Variants in SLC16A6 observed in about 807,000 individuals in gnomAD.
SLC16A6 encodes solute carrier family 16 member 6.
In SLC16A6, 15 loss-of-function variants were observed where a neutral mutation model predicts 33.8. That is an observed-to-expected ratio of 0.44 (90% CI 0.30 to 0.68). The LOEUF (loss-of-function observed/expected upper bound fraction) is 0.68, where lower values mean the gene tolerates loss of function less well. Ranked by LOEUF, SLC16A6 falls within the 30% of genes least tolerant of loss-of-function variation. SLC16A6 has a pLI of 0.10. For synonymous variants in SLC16A6, 219 were observed against 248.4 expected (o/e 0.88, Z 1.11); for missense variants, 451 against 661.5 (o/e 0.68, Z 3.49).
intron 1 of SLC16A6, among the ~76,000 whole-genome samples, chr17:68,290,597 A>T (rs1294154293): frequency 6.6e-6 from 1 of 152,162 alleles, no homozygotes; most frequent in Non-Finnish European, 1.5e-5. Context: ...GGGTCGGGGG[A>T]GGCAGGGAGC....
chr17:68,277,615 A>G (rs1568411449), intron 2 of SLC16A6, among the ~76,000 whole-genome samples: 1 of 152,090 alleles, frequency 6.6e-6, no homozygotes. Context: ...TTTTCAGTAG[A>G]GATGGGGTTT....
intron 1 of SLC16A6, among the ~76,000 whole-genome samples, chr17:68,279,499 G>A (rs2075626468): frequency 6.6e-6 from 1 of 152,074 alleles, no homozygotes. Flanking sequence ...TAGTATATTA[G>A]CAATTGAATT....
At chr17:68,288,321 T>A (rs1180055926) in intron 1 of SLC16A6, among the ~76,000 whole-genome samples, 1 of 152,144 alleles carries the variant, frequency 6.6e-6, no homozygotes, top group Non-Finnish European at 1.5e-5. Flanking sequence ...TTTTTTTCCA[T>A]TCCTTCAGCA....
At chr17:68,272,536 AC>A (rs1397714467) in intron 4 of SLC16A6, 102 bp downstream of exon 4, 65 of 1,332,316 alleles carry the variant, frequency 4.9e-5, no homozygotes, top group Non-Finnish European at 6.4e-5. Context: ...CATTACACAT[AC>A]ACTGAAAGTC....
intron 1 of SLC16A6, among the ~76,000 whole-genome samples, chr17:68,281,704 CCA>C (rs1174001929): frequency 6.6e-6 from 1 of 152,052 alleles, no homozygotes; most frequent in Non-Finnish European, 1.5e-5. Context: ...CAAATCAAAA[CCA>C]CAGTGAGGTA....
chr17:68,285,975 G>A (rs1366129394), intron 1 of SLC16A6, among the ~76,000 whole-genome samples: 4 of 152,088 alleles, frequency 2.6e-5, no homozygotes, highest in African/African-American at 7.2e-5. Flanking sequence ...TGGCCAGGCC[G>A]GTCTGGAACT....
At chr17:68,275,177 T>A (rs2075473657) in intron 2 of SLC16A6, among the ~76,000 whole-genome samples, 1 of 152,226 alleles carries the variant, frequency 6.6e-6, no homozygotes, top group South Asian at 2.1e-4. Context: ...TGAATCATCA[T>A]TTGCTTAGCT....
chr17:68,276,279 C>T (rs1182034293), intron 2 of SLC16A6, among the ~76,000 whole-genome samples: 2 of 151,588 alleles, frequency 1.3e-5, no homozygotes, highest in African/African-American at 4.8e-5. Flanking sequence ...TTCTACCTTA[C>T]CCAAAGGGTA....
rs782385428 is a variant in SLC16A6, at chr17:68,269,089, A to C, written c.*7T>G. The C allele has an allele frequency of 6.5e-7, 1 of 1,533,494 alleles. No individual in the cohort carries two copies. Among genetic ancestry groups the C allele is most frequent in the Non-Finnish European group, 8.7e-7 (1 of 1,146,596 alleles). 95.0% of individuals were successfully genotyped at this position (1,533,494 alleles called of 1,614,324 possible). On this transcript the variant is annotated 3_prime_UTR_variant, in exon 6 of 6. Transcript: ENST00000580666. ...CAACACAGTGGCTGTTGTTGTAAGAAAGTGTGTCATACCGGCTCCATTTGC... is the reference window on the plus strand; with the variant it reads ...CAACACAGTGGCTGTTGTTGTAAGACAGTGTGTCATACCGGCTCCATTTGC...
At chr17:68,283,292 A>G (rs554997444) in intron 1 of SLC16A6, among the ~76,000 whole-genome samples, 10 of 151,288 alleles carry the variant, frequency 6.6e-5, no homozygotes, top group African/African-American at 2.2e-4. Flanking sequence ...AGGCCGAGGC[A>G]GGCGAATCAC....
chr17:68,278,539 A>G (rs1231396975), intron 1 of SLC16A6, among the ~76,000 whole-genome samples: 4 of 151,834 alleles, frequency 2.6e-5, no homozygotes, highest in South Asian at 2.1e-4. Flanking sequence ...AACCTCTGCA[A>G]TTCTCCTACG....
intron 1 of SLC16A6, among the ~76,000 whole-genome samples, chr17:68,288,194 GT>G (rs1467245897): frequency 5.3e-5 from 8 of 151,878 alleles, no homozygotes; most frequent in Non-Finnish European, 1.0e-4. Context: ...TAGAGACAGG[GT>G]TTCACCATGT....
At chr17:68,288,782 T>C (rs1555754958) in intron 1 of SLC16A6, among the ~76,000 whole-genome samples, 1 of 152,190 alleles carries the variant, frequency 6.6e-6, no homozygotes, top group East Asian at 1.9e-4. Context: ...TTAGGCCATA[T>C]TTGTTAATTT....
At position 68,282,779 on chromosome 17, in the gene SLC16A6, T is replaced by TAAAAAAAAAAAAAAAAAAAAAA. The variant is rs36155626; in HGVS notation, c.-7-4453_-7-4452insTTTTTTTTTTTTTTTTTTTTTT. On this transcript the variant is annotated intron_variant, in intron 1 of 5. Transcript: ENST00000580666. ...CAACATAGTGAAACCCCATCTCTACTAAAAAAAAAAAAAAAAAAAAAGGCC... is the reference window on the plus strand; with the variant it reads ...CAACATAGTGAAACCCCATCTCTACTAAAAAAAAAAAAAAAAAAAAAAAAAAAAAAAAAAAAAAAAAAAGGCC... Among the ~76,000 whole-genome samples the TAAAAAAAAAAAAAAAAAAAAAA allele has an allele frequency of 6.0e-4, 32 of 53,400 alleles. 3 individuals are homozygous for TAAAAAAAAAAAAAAAAAAAAAA. Among genetic ancestry groups the TAAAAAAAAAAAAAAAAAAAAAA allele is most frequent in the African/African-American group, 1.5e-3 (16 of 10,790 alleles). 35.0% of individuals were successfully genotyped at this position (53,400 alleles called of 152,430 possible).
intron 1 of SLC16A6, among the ~76,000 whole-genome samples, chr17:68,290,675 C>G (rs868959536): frequency 3.5e-4 from 53 of 152,376 alleles, no homozygotes; most frequent in African/African-American, 1.0e-3. Flanking sequence ...TAGGAAGGTA[C>G]CTCTGACATT....
At position 68,271,752 on chromosome 17, in the gene SLC16A6, T is replaced by C; in HGVS notation, c.506-98A>G. ...AGAAGAAATATGGATCCAGATTTTG[T>C]TATAAGTTCTGTGGAAATTTATTAT... is the stretch of plus-strand genomic sequence containing the variant. On this transcript the variant is annotated intron_variant, in intron 4 of 5. Transcript: ENST00000580666. The surrounding 1 kb of genome is among the most constrained non-coding windows in gnomAD (Gnocchi z 5.3). 4.5e-6 allele frequency: 4 copies of C among 893,058 alleles called. No individual in the cohort carries two copies. The highest frequency in any genetic ancestry group is 2.8e-5 in the Admixed American group (1 of 35,422). 55.3% of individuals were successfully genotyped at this position (893,058 alleles called of 1,614,324 possible). A position where few individuals can be genotyped will look rare whatever the true frequency, so the allele number is the denominator to read the frequency against.
At chr17:68,276,657 T>C (rs187818195) in intron 2 of SLC16A6, among the ~76,000 whole-genome samples, 1 of 152,286 alleles carries the variant, frequency 6.6e-6, no homozygotes, top group East Asian at 1.9e-4. Flanking sequence ...TCTTGCTATG[T>C]TGCCCAGGCT....
chr17:68,286,794 G>A (rs2075852284), intron 1 of SLC16A6, among the ~76,000 whole-genome samples: 1 of 151,960 alleles, frequency 6.6e-6, no homozygotes, highest in Admixed American at 6.6e-5. Flanking sequence ...GTGAGAAACA[G>A]CTGATACTTT....
intron 1 of SLC16A6, among the ~76,000 whole-genome samples, chr17:68,289,155 G>A (rs562162539): frequency 2.6e-5 from 4 of 152,076 alleles, no homozygotes; most frequent in Non-Finnish European, 4.4e-5. Context: ...AGACCAACCC[G>A]GGCAACATAG....
Sources: gnomAD v4.1 joint callset for allele counts (sites outside exome capture counted in the v4.1 genomes callset) on GRCh38, gnomAD v4.1.1 for gene constraint, Gnocchi (gnomAD v3.1) non-coding constraint, MANE v1.5 for transcripts, NCBI Gene and HGNC (gene_info 2026-07-23, HGNC 2026-07-21) for gene names.